The following FBN3 variants were observed in gnomAD, a reference collection of about 807,000 sequenced individuals.
FBN3 encodes the protein fibrillin-3.
In FBN3, 234 loss-of-function variants were observed where a neutral mutation model predicts 330.1. That is an observed-to-expected ratio of 0.71 (90% CI 0.64 to 0.79). The LOEUF is 0.79. FBN3 is among the 30% of genes least tolerant of loss of function. The probability of loss-of-function intolerance (pLI) is 0.00; values close to 1 mark genes in which losing one functional copy is unlikely to be tolerated. For synonymous variants in FBN3, 1,458 were observed against 1,517.3 expected (o/e 0.96, Z 0.91); for missense variants, 3,606 against 3,886.9 (o/e 0.93, Z 1.92).
intron 46 of FBN3, 107 bp from the exon 47 acceptor site, chr19:8,094,672 G>C: frequency 7.7e-7 from 1 of 1,300,538 alleles, no homozygotes; most frequent in Non-Finnish European, 1.0e-6. Context: ...AGGGCCCCAG[G>C]ACAAGCCCTC....
rs758088816 is a variant in FBN3, at chr19:8,081,433, T to C, written c.7261A>G (p.Lys2421Glu). ...CACAGGAAACTGCCCTTCGTGTTTTTGCAGAGGAAGGTACATGGCTTGGGG... is the reference window on the plus strand; with the variant it reads ...CACAGGAAACTGCCCTTCGTGTTTTCGCAGAGGAAGGTACATGGCTTGGGG... The part of the protein sequence containing the change: ...QVPKPCTFLC[K>E]NTKGSFLCSC... The change falls in exon 58 of 64, where the codon AAA (lysine) becomes GAA (glutamate). Residue 2421 changes from lysine (K) to glutamate (E), a missense_variant. Lys to Glu is a moderately conservative substitution (Grantham distance 56, BLOSUM62 1). Coordinates refer to ENST00000600128, the MANE Select transcript of FBN3 (RefSeq NM_032447.5). 4 of 1,612,576 alleles carry C rather than the reference T, an allele frequency of 2.5e-6. No homozygotes were observed. In the African/African-American group the frequency reaches 4.0e-5, roughly 16 times the overall value.
Position 8,066,082 on chromosome 19 carries a change from C to CGGAGGTGATGCATGCGAAA in FBN3, c.8248_8266dup (p.Arg2756LeufsTer90), listed in dbSNP as rs750587758. On this transcript the variant is annotated frameshift_variant, in exon 64 of 64. Coordinates refer to ENST00000600128, the MANE Select transcript of FBN3 (RefSeq NM_032447.5). LOFTEE classifies it low-confidence loss of function (END_TRUNC). ...CCCCAGCTGCAGGGAGCTGACGCCACGGAGGTGATGCATGCGAAAGAAACC... is the reference window on the plus strand; with the variant it reads ...CCCCAGCTGCAGGGAGCTGACGCCACGGAGGTGATGCATGCGAAAGGAGGTGATGCATGCGAAAGAAACC... The CGGAGGTGATGCATGCGAAA allele has an allele frequency of 2.0e-5, 33 of 1,613,440 alleles. No homozygotes were observed. The highest frequency in any genetic ancestry group is 2.8e-5 in the Non-Finnish European group (33 of 1,179,982).
chr19:8,131,822 G>C lies in FBN3; in HGVS notation c.1722C>G (p.Asp574Glu), dbSNP rs1369295826. The C allele has an allele frequency of 2.5e-6, 4 of 1,590,932 alleles. No homozygotes were observed. Among genetic ancestry groups the C allele is most frequent in the Non-Finnish European group, 3.4e-6 (4 of 1,164,374 alleles). The change falls in exon 15 of 64, where the codon GAC (aspartate) becomes GAG (glutamate). Residue 574 changes from aspartate to glutamate, a missense_variant. By Grantham distance (45) the Asp-to-Glu change is conservative (BLOSUM62 2). Coordinates refer to ENST00000600128, the MANE Select transcript of FBN3 (RefSeq NM_032447.5). The surrounding 1 kb of genome is among the most constrained non-coding windows in gnomAD (Gnocchi z 4.5). ...APGGHYCMDIDECQTPGICVN... is the reference protein window; with the variant it reads ...APGGHYCMDIEECQTPGICVN... ...CGCAGATGCCGGGCGTCTGGCACTC[G>C]TCAATGTCTGCAGAAGCAGTGGCGG... is the stretch of plus-strand genomic sequence containing the variant.
rs773678692 is a variant in FBN3 at position 8,123,444 on chromosome 19, G to C, written c.3082+20C>G. On this transcript the variant is annotated intron_variant, in intron 24 of 63. Coordinates refer to ENST00000600128, the MANE Select transcript of FBN3 (RefSeq NM_032447.5). ...CTGCCAAGGATCACGCTCTCTCCAA[G>C]AGGCAGAGGTGGCACCTACCTGTGC... is the stretch of plus-strand genomic sequence containing the variant. The C allele has an allele frequency of 1.2e-6, 2 of 1,611,660 alleles. No individual in the cohort carries two copies. Among genetic ancestry groups the C allele is most frequent in the Admixed American group, 3.3e-5 (2 of 59,866 alleles).
chr19:8,132,892 A>T (rs2083182051), intron 14 of FBN3, 92 bp downstream of exon 14: 5 of 1,382,032 alleles, frequency 3.6e-6, no homozygotes, highest in Non-Finnish European at 9.6e-7. Context: ...TGCTCGTCCC[A>T]TCCCCGTCCG....
Position 8,123,999 on chromosome 19 carries a change from A to G in FBN3, c.2741T>C (p.Leu914Ser). 1 of 1,613,574 alleles carries G rather than the reference A, an allele frequency of 6.2e-7. No individual in the cohort carries two copies. Among genetic ancestry groups the G allele is most frequent in the Non-Finnish European group, 8.5e-7 (1 of 1,179,842 alleles). The change falls in exon 23 of 64, where the codon TTG becomes TCG. Residue 914 changes from leucine to serine, a missense_variant. By Grantham distance (145) the Leu-to-Ser change is moderately radical. Transcript: ENST00000600128. ...ATCCCATCGCAGGAAACATGGTTCC[A>G]ATCTCACATCTGCACGGGGGACAGT... ...ASGRLCVDVR[L>S]EPCFLRWDED...
Position 8,096,474 on chromosome 19 carries a change from G to C in FBN3, c.5509C>G (p.Gln1837Glu). The change falls in exon 44 of 64, where the codon CAG becomes GAG. Residue 1837 changes from glutamine to glutamate, a missense_variant. Coordinates refer to ENST00000600128, the MANE Select transcript of FBN3 (RefSeq NM_032447.5). This position sits in a 1 kb window ranked among gnomAD's most constrained non-coding sequence, Gnocchi z 4.6. The stretch of plus-strand genomic sequence containing the variant: ...CACAGGGTCTGGTCTGCAGAGGCCT[G>C]GAATCCACGGTGACACAGACACATG... ...SYMCLCHRGFQASADQTLCMD... is the reference protein window; with the variant it reads ...SYMCLCHRGFEASADQTLCMD... 2 of 1,613,988 alleles carry C rather than the reference G, an allele frequency of 1.2e-6. No homozygotes were observed. Among genetic ancestry groups the C allele is most frequent in the African/African-American group, 1.3e-5 (1 of 75,028 alleles).
intron 5 of FBN3, 110 bp from the exon 6 acceptor site, chr19:8,145,082 A>G (rs1359846270): frequency 2.0e-6 from 2 of 998,412 alleles, no homozygotes; most frequent in South Asian, 2.9e-5. Flanking sequence ...CCCAGGTTGA[A>G]TAAGACTGAG....
Position 8,126,022 on chromosome 19 carries a change from G to A in FBN3, c.2606-5C>T, listed in dbSNP as rs1389150951. On this transcript the variant is annotated splice_region_variant and splice_polypyrimidine_tract_variant and intron_variant, in intron 21 of 63. Coordinates refer to ENST00000600128, the MANE Select transcript of FBN3 (RefSeq NM_032447.5). ...AGGACTCACACTCGTTCACATCTGGGTAAGGAGGAGGGAAAGCCGGAGGGT... is the reference window on the plus strand; with the variant it reads ...AGGACTCACACTCGTTCACATCTGGATAAGGAGGAGGGAAAGCCGGAGGGT... 4.3e-6 allele frequency: 7 copies of A among 1,613,822 alleles called. No individual in the cohort carries two copies. In the Admixed American group the frequency reaches 5.0e-5, roughly 12 times the overall value.
chr19:8,147,732 C>T (rs1170994591), intron 1 of FBN3: 4 of 377,504 alleles, frequency 1.1e-5, no homozygotes, highest in Admixed American at 4.4e-5. Context: ...CAAGGCAAGA[C>T]GGGAGTGGGA....
chr19:8,088,808 T>C (rs1298877460), intron 51 of FBN3, among the ~76,000 whole-genome samples: 2 of 151,966 alleles, frequency 1.3e-5, no homozygotes, highest in African/African-American at 2.4e-5. Flanking sequence ...AAGGAACAAA[T>C]GAATGAGTGA....
At chr19:8,077,500 G>A (rs1294710734) in intron 59 of FBN3, among the ~76,000 whole-genome samples, 1 of 152,120 alleles carries the variant, frequency 6.6e-6, no homozygotes, top group African/African-American at 2.4e-5. Context: ...TTAGCTGGAT[G>A]TGGTGCTGCA....
chr19:8,075,390 T>C lies in FBN3; in HGVS notation c.7475A>G (p.Gln2492Arg). 6.2e-7 allele frequency: 1 copy of C among 1,613,996 alleles called. No homozygotes were observed. The highest frequency in any genetic ancestry group is 8.5e-7 in the Non-Finnish European group (1 of 1,180,010). Residue 2492 changes from glutamine (Q) to arginine (R), a missense_variant, in exon 60 of 64, where the codon CAG (glutamine) becomes CGG (arginine). By Grantham distance (43) the Gln-to-Arg change is conservative. Coordinates refer to ENST00000600128, the MANE Select transcript of FBN3 (RefSeq NM_032447.5). ...CCCGTGGGCACCACATGGGCCAGGC[T>C]GGGCTGAGCACTCATCATTGTCTGC... ...ACFDNDECSA[Q>R]PGPCGAHGHC... is the part of the protein sequence containing the mutation.
chr19:8,120,745 G>A (rs1258416368), intron 25 of FBN3, among the ~76,000 whole-genome samples: 1 of 152,168 alleles, frequency 6.6e-6, no homozygotes, highest in African/African-American at 2.4e-5. Flanking sequence ...TCAAAATGCT[G>A]GGATTACAGG....
In FBN3 at chr19:8,131,893, ATCTC is replaced by A. The variant is rs2083159298; in HGVS notation, c.1715-68_1715-65del. Reference sequence around the variant, plus strand: ...TGCTCCCTTCCTCTCTCCCCTCCCCATCTCCCAACATTTCCATCTTCCCAGCCAT... The same window carrying A: ...TGCTCCCTTCCTCTCTCCCCTCCCCACCAACATTTCCATCTTCCCAGCCAT... On this transcript the variant is annotated intron_variant, in intron 14 of 63. Transcript: ENST00000600128. The surrounding 1 kb of genome is among the most constrained non-coding windows in gnomAD (Gnocchi z 4.5). 7.0e-7 allele frequency: 1 copy of A among 1,426,720 alleles called. No homozygotes were observed. Among genetic ancestry groups the A allele is most frequent in the Non-Finnish European group, 9.2e-7 (1 of 1,082,756 alleles). The allele number at this position is 1,426,720 out of a possible 1,614,324, so 88.4% of individuals were successfully genotyped here.
In FBN3 at chr19:8,102,694, CT is replaced by C. The variant is rs1247469479; in HGVS notation, c.5089+29del. 6 of 1,600,666 alleles carry C rather than the reference CT, an allele frequency of 3.7e-6. No homozygotes were observed. In the African/African-American group the frequency reaches 6.7e-5, roughly 18 times the overall value. The stretch of plus-strand genomic sequence containing the variant: ...AACCATTATGCTAGGAGGGGCCAGG[CT>C]GGGAAGAAGGTTGGGGAGGGTTACT... On this transcript the variant is annotated intron_variant, in intron 40 of 63. Coordinates refer to ENST00000600128, the MANE Select transcript of FBN3 (RefSeq NM_032447.5).
intron 63 of FBN3, among the ~76,000 whole-genome samples, chr19:8,070,851 C>T (rs1192188517): frequency 2.0e-5 from 3 of 151,956 alleles, no homozygotes; most frequent in Non-Finnish European, 2.9e-5. Flanking sequence ...GAAGAAACCC[C>T]GTCTCTACTA....
intron 6 of FBN3, among the ~76,000 whole-genome samples, chr19:8,143,428 G>A (rs2077630): frequency 0.013 from 1,980 of 151,034 alleles, 50 homozygotes; most frequent in African/African-American, 0.045. Flanking sequence ...TTCTCTCCCC[G>A]TCCCTGCCAC....
intron 14 of FBN3, 61 bp downstream of exon 14, chr19:8,132,902 GGTCCCTCTCCTCTTCCTCGCC>G: frequency 7.0e-7 from 1 of 1,425,388 alleles, no homozygotes; most frequent in East Asian, 2.6e-5. Flanking sequence ...ATCCCCGTCC[GGTCCCTCTCCTCTTCCTCGCC>G]GTCCCTCTGC....
Sources: gnomAD v4.1 joint callset for allele counts (sites outside exome capture counted in the v4.1 genomes callset) on GRCh38, gnomAD v4.1.1 for gene constraint, Gnocchi (gnomAD v3.1) non-coding constraint, MANE v1.5 for transcripts, NCBI Gene and HGNC (gene_info 2026-07-23, HGNC 2026-07-21) for gene names.